The following TAF8 variants were observed in gnomAD, a reference collection of about 807,000 sequenced individuals.
TAF8 encodes transcription initiation factor TFIID subunit 8.
TAF8 carries 47 observed loss-of-function variants against 36.5 expected under a neutral mutation model. The observed-to-expected ratio is 1.29, with a 90% CI of 1.02 to 1.64. TAF8 has a LOEUF of 1.64. Ranked by LOEUF, TAF8 falls within the 40% of genes most tolerant of loss-of-function variation. The pLI is 0.00. For missense variants in TAF8, 420 were observed against 407.6 expected, an observed-to-expected ratio of 1.03 and a Z score of -0.26; for synonymous variants, 175 against 159.5, an observed-to-expected ratio of 1.10 and a Z score of -0.73.
In TAF8 at chr6:42,072,404, CCCTGT is replaced by C. The variant is rs573191067; in HGVS notation, c.780+3798_780+3802del. ...TGGTGACAATCCCTCCCATCCTGTT[CCCTGT>C]TACCCACTTTCCCTCCCACAGAGCA... On this transcript the variant is annotated intron_variant, in intron 7 of 8. Coordinates refer to ENST00000372977, the MANE Select transcript of TAF8 (RefSeq NM_138572.3). Among the ~76,000 whole-genome samples, 569 of 152,344 alleles carry C rather than the reference CCCTGT, an allele frequency of 3.7e-3. 4 individuals are homozygous for C. Among genetic ancestry groups the C allele is most frequent in the African/African-American group, 0.013 (526 of 41,584 alleles).
At position 42,079,647 on chromosome 6, in the gene TAF8, C is replaced by T. The variant is rs774315882; in HGVS notation, c.*2102C>T. On this transcript the variant is annotated 3_prime_UTR_variant, in exon 9 of 9. Coordinates refer to ENST00000372977, the MANE Select transcript of TAF8 (RefSeq NM_138572.3). ...GCACTACCTCGGCTCACTGCAACCT[C>T]CACTCCCCGGGTTCAAGCAATTCTC... 77 of 852,412 alleles carry T rather than the reference C, an allele frequency of 9.0e-5. No homozygotes were observed. The highest frequency in any genetic ancestry group is 1.1e-4 in the Non-Finnish European group (75 of 709,016). The allele number at this position is 852,412 out of a possible 1,614,324, so 52.8% of individuals were successfully genotyped here.
chr6:42,074,627 C>T (rs761108812), intron 7 of TAF8, among the ~76,000 whole-genome samples: 3 of 152,240 alleles, frequency 2.0e-5, no homozygotes, highest in Non-Finnish European at 4.4e-5. Flanking sequence ...CTCCAACTCC[C>T]GGGTTCAAGC....
intron 5 of TAF8, among the ~76,000 whole-genome samples, chr6:42,065,716 G>A (rs1046454752): frequency 2.6e-5 from 4 of 152,104 alleles, no homozygotes; most frequent in African/African-American, 4.8e-5. Context: ...TCTTAGACCC[G>A]AGACCATCTG....
chr6:42,065,336 ACT>A (rs1199573822), intron 5 of TAF8, among the ~76,000 whole-genome samples: 1 of 152,044 alleles, frequency 6.6e-6, no homozygotes, highest in African/African-American at 2.4e-5. Flanking sequence ...ACAGAGCAAG[ACT>A]CTGTCTCCAA....
In TAF8 at chr6:42,078,687, A is replaced by G. The variant is rs1362875292; in HGVS notation, c.*1142A>G. ...GCACTCTCCTCCTGAGAGATTTACCATTTATTGCCCCTGTGAGGAATGTGT... is the reference window on the plus strand; with the variant it reads ...GCACTCTCCTCCTGAGAGATTTACCGTTTATTGCCCCTGTGAGGAATGTGT... On this transcript the variant is annotated 3_prime_UTR_variant, in exon 9 of 9. Coordinates refer to ENST00000372977, the MANE Select transcript of TAF8 (RefSeq NM_138572.3). 2 of 985,254 alleles carry G rather than the reference A, an allele frequency of 2.0e-6. No individual in the cohort carries two copies. The highest frequency in any genetic ancestry group is 6.2e-5 in the Admixed American group (1 of 16,250). 61.0% of individuals were successfully genotyped at this position (985,254 alleles called of 1,614,324 possible).
intron 2 of TAF8, among the ~76,000 whole-genome samples, chr6:42,054,697 C>T (rs1227259793): frequency 2.0e-5 from 3 of 152,086 alleles, no homozygotes; most frequent in Admixed American, 1.3e-4. Context: ...CAACCACCTC[C>T]ACCTCCCAGG....
At chr6:42,054,931 CT>C (rs376052836) in intron 2 of TAF8, among the ~76,000 whole-genome samples, 11,948 of 123,652 alleles carry the variant, frequency 0.097, 578 homozygotes, top group East Asian at 0.27. Context: ...TTTTTCTTTT[CT>C]TTTTTTTTTT....
Position 42,050,586 on chromosome 6 carries a change from G to A in TAF8, c.45G>A (p.Thr15=), listed in dbSNP as rs762883922. 2.6e-6 allele frequency: 4 copies of A among 1,554,848 alleles called. No homozygotes were observed. The highest frequency in any genetic ancestry group is 1.4e-5 in the African/African-American group (1 of 73,592). ...CAGCTGGGGCCGGTGGCTCCGGAAC[G>A]GTAAGGGCAGGAAGCGCGGGCTCGG... is the stretch of plus-strand genomic sequence containing the variant. ...AATAGAGGSG[T]RSGSKQSTNP... is the part of the protein sequence containing the mutation. The change falls in exon 1 of 9, where the codon ACG becomes ACA. Residue 15 remains threonine, a splice_region_variant and synonymous_variant. Coordinates refer to ENST00000372977, the MANE Select transcript of TAF8 (RefSeq NM_138572.3).
At chr6:42,068,707 T>C in intron 7 of TAF8, 100 bp downstream of exon 7, 1 of 1,445,268 alleles carries the variant, frequency 6.9e-7, no homozygotes, top group Non-Finnish European at 9.5e-7. Flanking sequence ...ACCTCAGGTC[T>C]CTTTGGCTTT....
chr6:42,059,142 G>C (rs1244467942), intron 5 of TAF8, among the ~76,000 whole-genome samples: 1 of 152,050 alleles, frequency 6.6e-6, no homozygotes, highest in Non-Finnish European at 1.5e-5. Flanking sequence ...CCAGCACTTT[G>C]GGAGGCCGAG....
At chr6:42,065,036 G>A (rs541790628) in intron 5 of TAF8, among the ~76,000 whole-genome samples, 17 of 149,822 alleles carry the variant, frequency 1.1e-4, no homozygotes, top group Non-Finnish European at 2.2e-4. Context: ...AAATGTCACC[G>A]TTGCCATTAC....
At chr6:42,087,358 T>TA (rs36042313), downstream of TAF8, 63,306 of 152,346 alleles carry the variant, frequency 0.42, 13,350 homozygotes, top group Middle Eastern at 0.49. Flanking sequence ...ATATAGCACT[T>TA]ACTATGTGCG....
chr6:42,073,107 C>T (rs1451792299), intron 7 of TAF8, among the ~76,000 whole-genome samples: 1 of 152,178 alleles, frequency 6.6e-6, no homozygotes, highest in East Asian at 1.9e-4. Flanking sequence ...CATTATTTAA[C>T]CTGGTTCTAG....
At chr6:42,069,085 G>T (rs1765472707) in intron 7 of TAF8, among the ~76,000 whole-genome samples, 1 of 152,156 alleles carries the variant, frequency 6.6e-6, no homozygotes, top group African/African-American at 2.4e-5. Flanking sequence ...CTCCCCTGTT[G>T]TATTGAAGAA....
chr6:42,069,062 CCT>C (rs149819024), intron 7 of TAF8, among the ~76,000 whole-genome samples: 2,416 of 152,016 alleles, frequency 0.016, 61 homozygotes, highest in African/African-American at 0.052. Context: ...ATGCAAAGGC[CCT>C]GAGGCAGGAG....
chr6:42,083,353 C>T (rs1445409279), downstream of TAF8: 1 of 152,218 alleles, frequency 6.6e-6, no homozygotes, highest in African/African-American at 2.4e-5. Context: ...TTCCAGCCCT[C>T]TGTTCTTTCA....
intron 7 of TAF8, among the ~76,000 whole-genome samples, chr6:42,073,713 C>T (rs565185347): frequency 2.0e-5 from 3 of 151,974 alleles, no homozygotes; most frequent in Non-Finnish European, 4.4e-5. Context: ...GCCTTGTAGG[C>T]TATTTTAAGA....
At chr6:42,055,740 C>A (rs973876735) in intron 3 of TAF8, 111 bp downstream of exon 3, 200 of 914,858 alleles carry the variant, frequency 2.2e-4, no homozygotes, top group Non-Finnish European at 1.2e-4. Context: ...TCTTGAATTG[C>A]TTTGAGCTTG....
chr6:42,084,180 CAA>C (rs35595303), downstream of TAF8, among the ~76,000 whole-genome samples: 90 of 63,406 alleles, frequency 1.4e-3, no homozygotes, highest in African/African-American at 4.5e-3. Flanking sequence ...GACTCTGTCT[CAA>C]AAAAAAAAAA....
Sources: gnomAD v4.1 joint callset for allele counts (sites outside exome capture counted in the v4.1 genomes callset) on GRCh38, gnomAD v4.1.1 for gene constraint, MANE v1.5 for transcripts, NCBI Gene and HGNC (gene_info 2026-07-23, HGNC 2026-07-21) for gene names.